The following USO1 variants were observed in gnomAD, a reference collection of about 807,000 sequenced individuals.
The protein encoded by USO1 is USO1 vesicle transport factor.
In USO1, 57 loss-of-function variants were observed where a neutral mutation model predicts 124.5. The ratio of observed to expected loss-of-function variants is 0.46; its 90% CI spans 0.37 to 0.57. The LOEUF is 0.57. Among genes scored for constraint, USO1 ranks in the 20% least tolerant of loss-of-function variants. The probability of loss-of-function intolerance (pLI) is 0.00; values close to 1 mark genes in which losing one functional copy is unlikely to be tolerated. For synonymous variants in USO1, 369 were observed against 362.8 expected, an observed-to-expected ratio of 1.02 and a Z score of -0.19; for missense variants, 900 against 1,040.6, an observed-to-expected ratio of 0.86 and a Z score of 1.86.
chr4:75,809,245 T>C (rs1037490261), intron 21 of USO1, among the ~76,000 whole-genome samples, 194 bp downstream of exon 21: 2 of 152,206 alleles, frequency 1.3e-5, no homozygotes, highest in Non-Finnish European at 2.9e-5. Flanking sequence ...CCAGATTAGT[T>C]TATTCAGTTA....
chr4:75,813,227 G>T lies in USO1; in HGVS notation c.2821G>T (p.Glu941Ter). 1 of 1,610,390 alleles carries T rather than the reference G, an allele frequency of 6.2e-7. No homozygotes were observed. Among genetic ancestry groups the T allele is most frequent in the Non-Finnish European group, 8.5e-7 (1 of 1,178,844 alleles). The stretch of plus-strand genomic sequence containing the variant: ...CTAGGTTGAAGAAGAGGATGAACTT[G>T]AATCTGGAGACCAAGAGGATGAGGA... Reference protein sequence around the residue: ...GHPVEEEDELESGDQEDEDDE... With the variant: ...GHPVEEEDEL Residue 941 changes from glutamate (E) to a stop codon, truncating the protein, a stop_gained, in exon 24 of 24, where the codon GAA becomes TAA. Coordinates refer to ENST00000514213, the MANE Select transcript of USO1 (RefSeq NM_003715.4). LOFTEE classifies it high-confidence loss of function.
At chr4:75,735,216 A>G (rs944356963) in intron 1 of USO1, among the ~76,000 whole-genome samples, 1 of 152,020 alleles carries the variant, frequency 6.6e-6, no homozygotes, top group Non-Finnish European at 1.5e-5. Flanking sequence ...ATGGGATTGC[A>G]TTCTTGATTT....
chr4:75,777,427 A>G (rs1027245731), intron 8 of USO1, among the ~76,000 whole-genome samples: 2 of 152,176 alleles, frequency 1.3e-5, no homozygotes, highest in Non-Finnish European at 2.9e-5. Context: ...AGAAGAAAAT[A>G]TTTGCAAAAC....
intron 1 of USO1, among the ~76,000 whole-genome samples, chr4:75,733,991 T>C (rs899732145): frequency 1.5e-5 from 2 of 134,004 alleles, no homozygotes; most frequent in Non-Finnish European, 3.1e-5. Flanking sequence ...TCACCCAGGC[T>C]GGAGTGAGTG....
Position 75,812,325 on chromosome 4 carries a change from G to A in USO1, c.2749G>A (p.Asp917Asn). The change falls in exon 23 of 24, where the codon GAT becomes AAT. Residue 917 changes from aspartate to asparagine, a missense_variant. Physicochemically the swap from Asp to Asn is conservative, Grantham distance 23 (BLOSUM62 1). This residue lies in a region of USO1 where 362 missense variants were observed against 359.0 expected (regional missense o/e 1.01). Transcript: ENST00000514213. The part of the protein sequence containing the change: ...DDLLVLLADQ[D>N]QKILSLKNKL... ...TCTCTTGGTGCTCTTGGCCGATCAA[G>A]ATCAGAAAATACTGTCATTGAAGAA... 6.2e-7 allele frequency: 1 copy of A among 1,604,178 alleles called. No homozygotes were observed. The highest frequency in any genetic ancestry group is 8.5e-7 in the Non-Finnish European group (1 of 1,175,028).
chr4:75,752,343 T>C (rs1721316728), intron 1 of USO1, 30 bp from the exon 2 acceptor site: 1 of 398,158 alleles, frequency 2.5e-6, no homozygotes, highest in East Asian at 3.6e-5. Flanking sequence ...TTTTTTATTC[T>C]TTTAATGCCA....
intron 1 of USO1, among the ~76,000 whole-genome samples, chr4:75,727,835 T>A (rs1422867993): frequency 6.6e-6 from 1 of 152,224 alleles, no homozygotes; most frequent in African/African-American, 2.4e-5. Context: ...TTTAAATTCA[T>A]CATCAGCGCC....
At chr4:75,807,455 G>A (rs1452017797) in intron 20 of USO1, among the ~76,000 whole-genome samples, 1 of 151,248 alleles carries the variant, frequency 6.6e-6, no homozygotes, top group Admixed American at 6.6e-5. Flanking sequence ...TCTCCACTAA[G>A]CAACTGGCCC....
At chr4:75,809,324 G>C (rs1185704333) in intron 21 of USO1, among the ~76,000 whole-genome samples, 1 of 151,996 alleles carries the variant, frequency 6.6e-6, no homozygotes, top group Non-Finnish European at 1.5e-5. Flanking sequence ...CAGTTTTTCT[G>C]CTGTCATAAA....
rs566721197 is a variant in USO1, at chr4:75,725,067, C to G, written c.66+182C>G. ...GAGTTATTCAATCACGCCCCCAGCT[C>G]AGTCCCCATTGCTGCCGTTCGGCCG... On this transcript the variant is annotated intron_variant, in intron 1 of 23. Transcript: ENST00000514213. 92 of 677,732 alleles carry G rather than the reference C, an allele frequency of 1.4e-4. No homozygotes were observed. In the African/African-American group the frequency reaches 1.5e-3, roughly 11 times the overall value. The allele number at this position is 677,732 out of a possible 1,614,324, so 42.0% of individuals were successfully genotyped here.
chr4:75,767,962 C>T (rs959590666), intron 4 of USO1, among the ~76,000 whole-genome samples: 10 of 152,134 alleles, frequency 6.6e-5, no homozygotes, highest in Admixed American at 1.3e-4. Flanking sequence ...ATTGTACCTT[C>T]TAATACAAGA....
At position 75,793,840 on chromosome 4, in the gene USO1, C is replaced by G; in HGVS notation, c.1391C>G (p.Ala464Gly). ...QKEQLLRVQL[A>G]TSIGNPPVSL... is the part of the protein sequence containing the mutation. ...GAACAGTTGCTCAGGGTTCAACTTGCTACAAGTATTGGCAACCCTCCAGTT... is the reference window on the plus strand; with the variant it reads ...GAACAGTTGCTCAGGGTTCAACTTGGTACAAGTATTGGCAACCCTCCAGTT... The change falls in exon 13 of 24, where the codon GCT becomes GGT. Residue 464 changes from alanine to glycine, a missense_variant. Physicochemically the swap from Ala to Gly is moderately conservative, Grantham distance 60. Around this residue, in one of 2 missense-constraint regions of USO1, gnomAD observed 538 missense variants for 681.6 expected, o/e 0.79. Transcript: ENST00000514213. 1 of 1,613,968 alleles carries G rather than the reference C, an allele frequency of 6.2e-7. No homozygotes were observed. Among genetic ancestry groups the G allele is most frequent in the Non-Finnish European group, 8.5e-7 (1 of 1,179,864 alleles).
intron 4 of USO1, among the ~76,000 whole-genome samples, chr4:75,765,393 G>A (rs1455360725): frequency 2.0e-5 from 3 of 152,088 alleles, no homozygotes; most frequent in African/African-American, 4.8e-5. Context: ...AAAAAACAAG[G>A]TAGGCTCATT....
intron 4 of USO1, among the ~76,000 whole-genome samples, chr4:75,758,347 A>T (rs561736765): frequency 6.6e-6 from 1 of 152,328 alleles, no homozygotes; most frequent in South Asian, 2.1e-4. Flanking sequence ...AGAACAGTGG[A>T]TATATTCATA....
At position 75,749,838 on chromosome 4, in the gene USO1, C is replaced by T. The variant is rs938775555; in HGVS notation, c.67-2535C>T. The stretch of plus-strand genomic sequence containing the variant: ...TGCGATCTCGGCTCACTGCAAGCTC[C>T]GCCTCTAGGTTCATGCCATTCTCCT... On this transcript the variant is annotated intron_variant, in intron 1 of 23. Transcript: ENST00000514213. Among the ~76,000 whole-genome samples, 234 of 151,494 alleles carry T rather than the reference C, an allele frequency of 1.5e-3. 1 individual carries two copies. The highest frequency in any genetic ancestry group is 2.7e-3 in the Non-Finnish European group (180 of 67,834).
chr4:75,765,637 C>T (rs199533161), intron 4 of USO1, among the ~76,000 whole-genome samples: 2 of 144,876 alleles, frequency 1.4e-5, no homozygotes, highest in Non-Finnish European at 3.0e-5. Flanking sequence ...GGTACCAGTT[C>T]TTTTTTTTTT....
intron 11 of USO1, 45 bp from the exon 12 acceptor site, chr4:75,790,598 G>C (rs1560455800): frequency 1.3e-6 from 2 of 1,573,740 alleles, no homozygotes; most frequent in Non-Finnish European, 1.7e-6. Flanking sequence ...TTGTATACTT[G>C]GGTTGCAATG....
chr4:75,794,395 C>G (rs1722622175), intron 13 of USO1, among the ~76,000 whole-genome samples: 1 of 152,126 alleles, frequency 6.6e-6, no homozygotes, highest in African/African-American at 2.4e-5. Flanking sequence ...GTCCCCGGTG[C>G]ATATAATTTA....
At chr4:75,777,322 A>G (rs1722098938) in intron 8 of USO1, among the ~76,000 whole-genome samples, 1 of 152,184 alleles carries the variant, frequency 6.6e-6, no homozygotes, top group Admixed American at 6.5e-5. Context: ...AGTGTGATCC[A>G]TAGAAAAAAA....
Sources: gnomAD v4.1 joint callset for allele counts (sites outside exome capture counted in the v4.1 genomes callset) on GRCh38, gnomAD v4.1.1 for gene constraint, gnomAD v4.1.1 regional missense constraint, MANE v1.5 for transcripts, NCBI Gene and HGNC (gene_info 2026-07-23, HGNC 2026-07-21) for gene names.